Variants in NRXN1 observed in about 807,000 individuals in gnomAD.
The protein encoded by NRXN1 is neurexin-1.
In NRXN1, 39 loss-of-function variants were observed where a neutral mutation model predicts 150.9. That is an observed-to-expected ratio of 0.26 (90% CI 0.20 to 0.34). NRXN1 has a LOEUF of 0.34. Among genes scored for constraint, NRXN1 ranks in the 10% least tolerant of loss-of-function variants. NRXN1 has a pLI of 1.00. For synonymous variants in NRXN1, 924 were observed against 757.0 expected, an observed-to-expected ratio of 1.22 and a Z score of -3.62; for missense variants, 1,815 against 1,949.9, an observed-to-expected ratio of 0.93 and a Z score of 1.30.
chr2:50,623,187 G>T (rs757750290), intron 6 of NRXN1, 127 bp downstream of exon 6: 5 of 694,842 alleles, frequency 7.2e-6, no homozygotes, highest in Non-Finnish European at 1.2e-5. Flanking sequence ...CATCTCAGAA[G>T]AAGAAAAAGC....
intron 20 of NRXN1, 24 bp downstream of exon 20, chr2:50,054,931 G>A (rs1185746072): frequency 2.1e-6 from 3 of 1,430,270 alleles, no homozygotes; most frequent in African/African-American, 2.9e-5. Context: ...TTTTTTATTT[G>A]AAGTTTTAAT....
rs930080875 is a variant in NRXN1, at chr2:50,523,015, G to A, written c.2374+5610C>T. ...CTCCCAAACTGCTGGGATTACAGGC[G>A]TGAGCCACAGCACCCAGCCTCAATT... On this transcript the variant is annotated intron_variant, in intron 12 of 22. Coordinates refer to ENST00000401669, the MANE Select transcript of NRXN1 (RefSeq NM_001330078.2). Among the ~76,000 whole-genome samples the A allele has an allele frequency of 7.9e-5, 12 of 152,100 alleles. No homozygotes were observed. The East Asian group carries it at 9.7e-4, about 12-fold the overall frequency.
At chr2:50,202,891 A>G (rs2062285492) in intron 18 of NRXN1, among the ~76,000 whole-genome samples, 1 of 152,154 alleles carries the variant, frequency 6.6e-6, no homozygotes, top group Non-Finnish European at 1.5e-5. Flanking sequence ...AAATAACTCT[A>G]TAGCAACATT....
intron 18 of NRXN1, among the ~76,000 whole-genome samples, chr2:50,163,578 C>A (rs768838498): frequency 2.6e-5 from 4 of 152,072 alleles, no homozygotes; most frequent in Non-Finnish European, 4.4e-5. Context: ...AAGAAAATGT[C>A]TTATATGGTT....
chr2:50,074,871 G>A (rs1696829460), intron 19 of NRXN1, among the ~76,000 whole-genome samples: 1 of 152,126 alleles, frequency 6.6e-6, no homozygotes, highest in South Asian at 2.1e-4. Flanking sequence ...GTTTTGGTTT[G>A]GCTATACATG....
At chr2:50,650,602 G>T (rs1685474449) in intron 5 of NRXN1, among the ~76,000 whole-genome samples, 1 of 151,972 alleles carries the variant, frequency 6.6e-6, no homozygotes, top group Non-Finnish European at 1.5e-5. Flanking sequence ...CTCATTACGT[G>T]CATGCCTAAA....
intron 17 of NRXN1, among the ~76,000 whole-genome samples, chr2:50,277,578 G>A (rs1228951197): frequency 6.7e-6 from 1 of 149,252 alleles, no homozygotes; most frequent in Non-Finnish European, 1.5e-5. Context: ...TTCTTAGCCA[G>A]GAGATTTTAA....
chr2:50,140,533 A>G (rs567049662), intron 18 of NRXN1, among the ~76,000 whole-genome samples: 2 of 152,296 alleles, frequency 1.3e-5, no homozygotes, highest in South Asian at 4.1e-4. Flanking sequence ...TTAAAAAGGA[A>G]TAGGGAGAAA....
intron 17 of NRXN1, among the ~76,000 whole-genome samples, chr2:50,357,306 T>TTTATTTATTTA (rs1558590722): frequency 0.021 from 2,717 of 131,402 alleles, 40 homozygotes; most frequent in East Asian, 0.036. Context: ...TTATTTATTT[T>TTTATTTATTTA]TTTTTTTATT....
chr2:50,010,821 T>C (rs543392618), intron 21 of NRXN1, among the ~76,000 whole-genome samples: 3 of 152,302 alleles, frequency 2.0e-5, no homozygotes, highest in South Asian at 2.1e-4. Flanking sequence ...CCCTGAAGCA[T>C]TTCTCTAACA....
chr2:50,244,733 T>C (rs2066344764), intron 17 of NRXN1, among the ~76,000 whole-genome samples: 1 of 151,856 alleles, frequency 6.6e-6, no homozygotes, highest in Admixed American at 6.6e-5. Flanking sequence ...GTATTGTAAA[T>C]TTCAAAATGG....
intron 12 of NRXN1, among the ~76,000 whole-genome samples, chr2:50,527,998 A>T (rs1187826060): frequency 6.6e-6 from 1 of 152,188 alleles, no homozygotes; most frequent in Non-Finnish European, 1.5e-5. Flanking sequence ...ATATCCTTTC[A>T]GATTTTCATC....
intron 12 of NRXN1, among the ~76,000 whole-genome samples, chr2:50,519,049 C>A (rs1288190559): frequency 6.6e-6 from 1 of 151,818 alleles, no homozygotes; most frequent in African/African-American, 2.4e-5. Context: ...TTAAAGAAAA[C>A]AAATTCTAAG....
intron 5 of NRXN1, among the ~76,000 whole-genome samples, chr2:50,862,239 G>T (rs988537082): frequency 2.0e-5 from 3 of 151,856 alleles, no homozygotes; most frequent in Non-Finnish European, 4.4e-5. Context: ...AGTATAGTAG[G>T]AATCAGTTGC....
intron 18 of NRXN1, among the ~76,000 whole-genome samples, chr2:50,169,537 A>G (rs2059896519): frequency 6.6e-6 from 1 of 152,018 alleles, no homozygotes; most frequent in Non-Finnish European, 1.5e-5. Flanking sequence ...ACACAGTGAA[A>G]CCCCATCTCT....
At chr2:50,301,846 G>T (rs1477663622) in intron 17 of NRXN1, among the ~76,000 whole-genome samples, 1 of 152,110 alleles carries the variant, frequency 6.6e-6, no homozygotes, top group Non-Finnish European at 1.5e-5. Flanking sequence ...CCAAATGTTT[G>T]GTGACAGTGG....
intron 22 of NRXN1, among the ~76,000 whole-genome samples, chr2:49,942,648 C>T (rs898030078): frequency 6.6e-6 from 1 of 151,498 alleles, no homozygotes; most frequent in Non-Finnish European, 1.5e-5. Context: ...CCCACTCTGT[C>T]ACCCAGGCTG....
At chr2:50,724,522 T>C (rs1265432563) in intron 5 of NRXN1, among the ~76,000 whole-genome samples, 1 of 152,164 alleles carries the variant, frequency 6.6e-6, no homozygotes, top group African/African-American at 2.4e-5. Flanking sequence ...ACCTGATGCA[T>C]ATTAATGAAT....
chr2:50,559,906 T>A (rs1038031258), intron 8 of NRXN1, among the ~76,000 whole-genome samples: 1 of 152,162 alleles, frequency 6.6e-6, no homozygotes, highest in African/African-American at 2.4e-5. Flanking sequence ...ATCAAAAATG[T>A]TTTGGCCCAA....
Sources: gnomAD v4.1 joint callset for allele counts (sites outside exome capture counted in the v4.1 genomes callset) on GRCh38, gnomAD v4.1.1 for gene constraint, MANE v1.5 for transcripts, NCBI Gene and HGNC (gene_info 2026-07-23, HGNC 2026-07-21) for gene names.